PPEF1: variants seen among roughly 807,000 people sequenced by gnomAD.
PPEF1 encodes the protein serine/threonine-protein phosphatase with EF-hands 1.
A neutral mutation model predicts 53.3 loss-of-function variants in PPEF1; 12 were observed. The ratio of observed to expected loss-of-function variants is 0.23; its 90% CI spans 0.14 to 0.36. PPEF1 has a LOEUF of 0.36. Ranked by LOEUF, PPEF1 falls within the 10% of genes least tolerant of loss-of-function variation. The pLI is 1.00. For missense variants in PPEF1, 334 were observed against 490.4 expected (o/e 0.68, Z 3.01); for synonymous variants, 165 against 176.7 (o/e 0.93, Z 0.52).
intron 1 of PPEF1, among the ~76,000 whole-genome samples, chrX:18,711,070 G>GTA (rs1166910658): frequency 2.4e-5 from 2 of 82,081 alleles, no homozygotes; most frequent in Non-Finnish European, 4.5e-5. Context: ...ATATATATAT[G>GTA]TATATATATG....
chrX:18,764,649 T>C (rs777682590), intron 6 of PPEF1, among the ~76,000 whole-genome samples: 39 of 111,626 alleles, frequency 3.5e-4, no homozygotes, highest in African/African-American at 1.2e-3. Flanking sequence ...CCACACCAAA[T>C]GTTCAGAAGT....
intron 2 of PPEF1, among the ~76,000 whole-genome samples, chrX:18,684,913 C>A (rs1259907565): frequency 1.8e-5 from 2 of 112,249 alleles, no homozygotes; most frequent in African/African-American, 6.5e-5. Context: ...AGGCCTGAGC[C>A]ACCACACCCG....
rs58697941 is a variant in PPEF1 at position 18,826,417 on chromosome X, C to CTTTTTTTTTTT, written c.1750+600_1750+610dup. ...AAGGGCTATGAAAAGTCATTTTCTG[C>CTTTTTTTTTTT]TTTTTTTTTTTTTTTTTTTTTTTTT... On this transcript the variant is annotated intron_variant, in intron 15 of 15. Coordinates refer to ENST00000470157, the MANE Select transcript of PPEF1 (RefSeq NM_001377996.1). 2.4e-4 allele frequency among the ~76,000 whole-genome samples: 6 copies of CTTTTTTTTTTT among 24,631 alleles called. 1 individual carries two copies. The highest frequency in any genetic ancestry group is 1.2e-3 in the African/African-American group (6 of 4,827). The allele number at this position is 24,631 out of a possible 115,157, so 21.4% of individuals were successfully genotyped here.
chrX:18,783,956 G>A lies in PPEF1; in HGVS notation c.820G>A (p.Gly274Ser), dbSNP rs1030784745. ...LEEFYAWLPI[G>S]TIVDNEILVI... ...AGAATTCTATGCCTGGCTCCCAATCGGTACAATCGTTGACAATGAAATCCT... is the reference window on the plus strand; with the variant it reads ...AGAATTCTATGCCTGGCTCCCAATCAGTACAATCGTTGACAATGAAATCCT... The change falls in exon 9 of 16, where the codon GGT (glycine) becomes AGT (serine). Residue 274 changes from glycine to serine, a missense_variant. Coordinates refer to ENST00000470157, the MANE Select transcript of PPEF1 (RefSeq NM_001377996.1). 1.7e-6 allele frequency: 2 copies of A among 1,206,049 alleles called. No individual in the cohort carries two copies. Among genetic ancestry groups the A allele is most frequent in the Non-Finnish European group, 2.2e-6 (2 of 892,518 alleles).
chrX:18,822,627 G>C (rs1355819757), intron 13 of PPEF1, among the ~76,000 whole-genome samples: 2 of 110,043 alleles, frequency 1.8e-5, no homozygotes, highest in Non-Finnish European at 3.8e-5. Context: ...TCCTGCCTCA[G>C]CCTCCCAAGT....
At chrX:18,785,221 T>TC (rs1248693088) in intron 9 of PPEF1, among the ~76,000 whole-genome samples, 1 of 111,609 alleles carries the variant, frequency 9.0e-6, no homozygotes, top group Non-Finnish European at 1.9e-5. Flanking sequence ...CCAGATGAGA[T>TC]CCCCTTTTGT....
rs189998471 is a variant in PPEF1 at position 18,787,390 on chromosome X, A to C, written c.913-1731A>C. On this transcript the variant is annotated intron_variant, in intron 9 of 15. Transcript: ENST00000470157. ...GGCAGGTTGAGGGGGGTCAATGCAG[A>C]GGGATTAAAGAATGAAGGAAGATTT... Among the ~76,000 whole-genome samples the C allele has an allele frequency of 4.5e-4, 50 of 111,200 alleles. No homozygotes were observed. The East Asian group carries it at 0.014, about 31-fold the overall frequency.
intron 12 of PPEF1, among the ~76,000 whole-genome samples, chrX:18,816,233 C>T (rs1569272239): frequency 1.8e-5 from 2 of 111,235 alleles, no homozygotes; most frequent in Admixed American, 9.6e-5. Flanking sequence ...CTGACTTCTC[C>T]TGTGATTTCT....
intron 6 of PPEF1, among the ~76,000 whole-genome samples, chrX:18,764,384 C>T (rs1205013659): frequency 9.0e-6 from 1 of 111,255 alleles, no homozygotes; most frequent in African/African-American, 3.3e-5. Context: ...CAGAGCCTCC[C>T]CTGCTCCTGG....
At chrX:18,766,939 C>T (rs765236801) in intron 6 of PPEF1, among the ~76,000 whole-genome samples, 46 of 111,752 alleles carry the variant, frequency 4.1e-4, no homozygotes, top group African/African-American at 1.3e-3. Flanking sequence ...GTAATCCCAG[C>T]TACCTGGGAG....
At chrX:18,826,417 C>CTTTTTTTTT (rs58697941) in intron 15 of PPEF1, among the ~76,000 whole-genome samples, 5 of 24,631 alleles carry the variant, frequency 2.0e-4, no homozygotes, top group Admixed American at 7.1e-4. Flanking sequence ...TCATTTTCTG[C>CTTTTTTTTT]TTTTTTTTTT....
At chrX:18,755,145 C>A (rs1361264835) in intron 4 of PPEF1, among the ~76,000 whole-genome samples, 1 of 109,940 alleles carries the variant, frequency 9.1e-6, no homozygotes, top group African/African-American at 3.3e-5. Context: ...AATGAAAAGA[C>A]TGTTATTAAG....
chrX:18,704,282 A>T (rs768571264), upstream of PPEF1, among the ~76,000 whole-genome samples: 1 of 111,887 alleles, frequency 8.9e-6, no homozygotes, highest in South Asian at 3.8e-4. Context: ...GATGGAGCGA[A>T]GCCCAAGCGA....
intron 10 of PPEF1, among the ~76,000 whole-genome samples, chrX:18,790,611 C>A (rs889840911): frequency 8.1e-5 from 9 of 111,525 alleles, no homozygotes; most frequent in African/African-American, 2.9e-4. Flanking sequence ...GGTGTCTGAT[C>A]CATTTTGAGT....
At chrX:18,696,392 ATCC>A (rs754605563) in intron 4 of PPEF1, among the ~76,000 whole-genome samples, 90 of 107,946 alleles carry the variant, frequency 8.3e-4, no homozygotes, top group South Asian at 5.0e-3. Flanking sequence ...AGCTCAAGCA[ATCC>A]TCCTTGCTCA....
At chrX:18,740,495 T>C (rs2045126413) in intron 3 of PPEF1, among the ~76,000 whole-genome samples, 1 of 108,946 alleles carries the variant, frequency 9.2e-6, no homozygotes, top group South Asian at 4.0e-4. Flanking sequence ...CTGCAACCTC[T>C]GCCTCCCGGA....
intron 1 of PPEF1, among the ~76,000 whole-genome samples, chrX:18,712,826 G>T: frequency 8.9e-6 from 1 of 111,834 alleles, no homozygotes; most frequent in Non-Finnish European, 1.9e-5. Context: ...TTACAAAGTG[G>T]TGTTTAATTT....
intron 10 of PPEF1, among the ~76,000 whole-genome samples, chrX:18,793,312 TTATTTGG>T (rs2046357597): frequency 9.0e-6 from 1 of 111,307 alleles, no homozygotes; most frequent in African/African-American, 3.3e-5. Flanking sequence ...AACTTATCTG[TTATTTGG>T]TAGTGTGTTG....
chrX:18,732,256 C>T (rs2044855387), intron 2 of PPEF1, among the ~76,000 whole-genome samples: 1 of 112,688 alleles, frequency 8.9e-6, no homozygotes, highest in African/African-American at 3.2e-5. Flanking sequence ...TCATCTATTC[C>T]TCAGGTGATG....
Sources: gnomAD v4.1 joint callset for allele counts (sites outside exome capture counted in the v4.1 genomes callset) on GRCh38, gnomAD v4.1.1 for gene constraint, MANE v1.5 for transcripts, NCBI Gene and HGNC (gene_info 2026-07-23, HGNC 2026-07-21) for gene names.